Variants in DCAF5 observed in about 807,000 individuals in gnomAD.
DCAF5 encodes DDB1- and CUL4-associated factor 5.
DCAF5 carries 9 observed loss-of-function variants against 80.7 expected under a neutral mutation model. That is an observed-to-expected ratio of 0.11 (90% confidence interval 0.07 to 0.19). The LOEUF (loss-of-function observed/expected upper bound fraction) is 0.19. DCAF5 is among the 10% of genes least tolerant of loss of function. DCAF5 has a pLI of 1.00. For missense variants in DCAF5, 842 were observed against 1,205.7 expected (o/e 0.70, Z 4.47); for synonymous variants, 433 against 461.9 (o/e 0.94, Z 0.80).
intron 1 of DCAF5, among the ~76,000 whole-genome samples, chr14:69,148,751 T>TTAA (rs2041619753): frequency 2.0e-5 from 3 of 152,134 alleles, no homozygotes; most frequent in African/African-American, 7.2e-5. Flanking sequence ...TAAAGCACCT[T>TTAA]CACATATAAC....
intron 4 of DCAF5, among the ~76,000 whole-genome samples, chr14:69,117,479 C>A (rs932091944): frequency 6.6e-6 from 1 of 152,270 alleles, no homozygotes; most frequent in African/African-American, 2.4e-5. Context: ...TTACAATCTG[C>A]ACTAAAGGCC....
intron 6 of DCAF5, among the ~76,000 whole-genome samples, chr14:69,088,193 G>C (rs955999810): frequency 6.6e-6 from 1 of 152,084 alleles, no homozygotes; most frequent in Admixed American, 6.6e-5. Flanking sequence ...TCTTGCTCCT[G>C]TCCGCAACAA....
intron 5 of DCAF5, among the ~76,000 whole-genome samples, chr14:69,100,075 T>C (rs892962298): frequency 6.6e-6 from 1 of 152,190 alleles, no homozygotes; most frequent in Admixed American, 6.5e-5. Context: ...AGGTATTAAA[T>C]ACATGTCCTA....
Position 69,122,278 on chromosome 14 carries a change from C to G in DCAF5, c.297G>C (p.Glu99Asp). Residue 99 changes from glutamate to aspartate, a missense_variant, in exon 2 of 9, where the codon GAG (glutamate) becomes GAC (aspartate). Coordinates refer to ENST00000341516, the MANE Select transcript of DCAF5 (RefSeq NM_003861.3). ...SRVKPIQLKG[E>D]HHSNIFCLAF... ...CCAGGCAAAAAATGTTGGAATGGTG[C>G]TCTCCTTTCAGCTGTATGGGCTTGA... 1 of 1,614,052 alleles carries G rather than the reference C, an allele frequency of 6.2e-7. No individual in the cohort carries two copies. Among genetic ancestry groups the G allele is most frequent in the Non-Finnish European group, 8.5e-7 (1 of 1,179,946 alleles).
intron 2 of DCAF5, among the ~76,000 whole-genome samples, 169 bp from the exon 3 acceptor site, chr14:69,119,399 T>C (rs1035949578): frequency 6.6e-6 from 1 of 151,950 alleles, no homozygotes; most frequent in African/African-American, 2.4e-5. Flanking sequence ...TTAAGAAGGA[T>C]AGGACATTCT....
intron 1 of DCAF5, chr14:69,149,340 A>C (rs2041635994): frequency 6.6e-6 from 1 of 152,242 alleles, no homozygotes. Context: ...AACAAGAAAA[A>C]TCAAGTACTT....
intron 5 of DCAF5, among the ~76,000 whole-genome samples, chr14:69,102,797 T>A (rs2040010491): frequency 2.0e-5 from 3 of 152,130 alleles, no homozygotes; most frequent in Admixed American, 2.0e-4. Flanking sequence ...TACAGTAAAC[T>A]TTTTTTAATA....
At chr14:69,086,869 C>T (rs2039347292) in intron 6 of DCAF5, among the ~76,000 whole-genome samples, 1 of 152,154 alleles carries the variant, frequency 6.6e-6, no homozygotes, top group Non-Finnish European at 1.5e-5. Context: ...TGGGGCCTTG[C>T]CATCTATCAA....
Position 69,055,718 on chromosome 14 carries a change from A to G in DCAF5, c.1075-107T>C. 2 of 1,154,440 alleles carry G rather than the reference A, an allele frequency of 1.7e-6. No individual in the cohort carries two copies. The highest frequency in any genetic ancestry group is 2.5e-6 in the Non-Finnish European group (2 of 811,520). The allele number at this position is 1,154,440 out of a possible 1,614,324, so 71.5% of individuals were successfully genotyped here. On this transcript the variant is annotated intron_variant, in intron 8 of 8. Transcript: ENST00000341516. The surrounding 1 kb of genome is among the most constrained non-coding windows in gnomAD (Gnocchi z 5.6). ...CAGAACTTCCCCAGACTCTCCCTGT[A>G]ATTTAACTAGGACTTGCTAACCAAC...
intron 1 of DCAF5, 117 bp from the exon 2 acceptor site, chr14:69,122,477 A>T: frequency 1.8e-6 from 2 of 1,099,596 alleles, no homozygotes; most frequent in Middle Eastern, 3.2e-4. Flanking sequence ...ACTCCATAAG[A>T]TTCGCATGGA....
At chr14:69,142,394 C>G (rs2041404703) in intron 1 of DCAF5, among the ~76,000 whole-genome samples, 1 of 152,206 alleles carries the variant, frequency 6.6e-6, no homozygotes, top group Non-Finnish European at 1.5e-5. Context: ...GAAGAGCAAA[C>G]TGAGTCCAAG....
chr14:69,150,389 C>T (rs866359114), intron 1 of DCAF5, among the ~76,000 whole-genome samples: 1 of 152,150 alleles, frequency 6.6e-6, no homozygotes, highest in African/African-American at 2.4e-5. Flanking sequence ...AAATGACCCT[C>T]CTCTTTCACA....
chr14:69,153,188 C>G, upstream of DCAF5: 2 of 406,384 alleles, frequency 4.9e-6, no homozygotes, highest in Non-Finnish European at 8.6e-6. Context: ...AGGCTCCTCC[C>G]TCTGCCTCTC....
At chr14:69,088,146 T>C (rs796100631) in intron 6 of DCAF5, among the ~76,000 whole-genome samples, 1 of 152,178 alleles carries the variant, frequency 6.6e-6, no homozygotes, top group East Asian at 1.9e-4. Flanking sequence ...CTCCTTAATG[T>C]TTACTCCTAG....
At chr14:69,087,943 G>A (rs577145869) in intron 6 of DCAF5, among the ~76,000 whole-genome samples, 2 of 152,240 alleles carry the variant, frequency 1.3e-5, no homozygotes, top group South Asian at 4.1e-4. Flanking sequence ...GAATAGGTAT[G>A]GTGCACAGAT....
At chr14:69,088,989 C>A (rs1594975206) in intron 6 of DCAF5, among the ~76,000 whole-genome samples, 1 of 152,094 alleles carries the variant, frequency 6.6e-6, no homozygotes, top group African/African-American at 2.4e-5. Flanking sequence ...ACTTCTTGTG[C>A]ACACTTAAAA....
intron 5 of DCAF5, among the ~76,000 whole-genome samples, chr14:69,108,172 TA>T (rs1566761339): frequency 6.6e-6 from 1 of 152,254 alleles, no homozygotes; most frequent in Non-Finnish European, 1.5e-5. Flanking sequence ...TCCTTTCCTC[TA>T]GAAGTTAGGG....
intron 1 of DCAF5, among the ~76,000 whole-genome samples, chr14:69,124,605 G>A (rs2040821911): frequency 6.6e-6 from 1 of 152,162 alleles, no homozygotes; most frequent in Non-Finnish European, 1.5e-5. Flanking sequence ...TTTCAACTAT[G>A]AGTTCTCTGG....
intron 5 of DCAF5, among the ~76,000 whole-genome samples, chr14:69,112,662 C>T (rs983870333): frequency 6.6e-6 from 1 of 151,174 alleles, no homozygotes. Flanking sequence ...CTCTCTGTGC[C>T]TTGATTTTCT....
Sources: gnomAD v4.1 joint callset for allele counts (sites outside exome capture counted in the v4.1 genomes callset) on GRCh38, gnomAD v4.1.1 for gene constraint, Gnocchi (gnomAD v3.1) non-coding constraint, MANE v1.5 for transcripts, NCBI Gene and HGNC (gene_info 2026-07-23, HGNC 2026-07-21) for gene names.